Variants in UBE3A observed in about 807,000 individuals in gnomAD.
UBE3A encodes the protein ubiquitin protein ligase E3A, also known as ubiquitin-protein ligase E3A.
Under a neutral mutation model 83.4 loss-of-function variants are expected in UBE3A, and 6 were observed. That is an observed-to-expected ratio of 0.07 (90% confidence interval 0.04 to 0.14). UBE3A has a LOEUF of 0.14. Among genes scored for constraint, UBE3A ranks in the 10% least tolerant of loss-of-function variants. The pLI is 1.00. For synonymous variants in UBE3A, 337 were observed against 355.4 expected, an observed-to-expected ratio of 0.95 and a Z score of 0.58; for missense variants, 456 against 1,036.1, an observed-to-expected ratio of 0.44 and a Z score of 7.69.
At chr15:25,402,978 C>A (rs924094098) in intron 4 of UBE3A, among the ~76,000 whole-genome samples, 59 of 152,092 alleles carry the variant, frequency 3.9e-4, no homozygotes, top group African/African-American at 1.4e-3. Flanking sequence ...GTCTGGCATC[C>A]CAACCTTTCC....
chr15:25,390,953 AT>A (rs2084222144), intron 4 of UBE3A, among the ~76,000 whole-genome samples: 4 of 151,102 alleles, frequency 2.6e-5, no homozygotes. Flanking sequence ...AAAAAAAAAA[AT>A]CTAAAAAAAA....
intron 7 of UBE3A, among the ~76,000 whole-genome samples, chr15:25,359,918 C>G (rs1338879008): frequency 1.3e-5 from 2 of 152,136 alleles, no homozygotes; most frequent in African/African-American, 4.8e-5. Context: ...CCCAAGAAAT[C>G]TTATAGCAAA....
intron 1 of UBE3A, among the ~76,000 whole-genome samples, chr15:25,429,181 C>T (rs1187391117): frequency 2.6e-5 from 4 of 152,122 alleles, no homozygotes; most frequent in Admixed American, 1.3e-4. Flanking sequence ...TACATGTACA[C>T]ATGTATAGTA....
Position 25,397,203 on chromosome 15 carries a change from T to C in UBE3A, c.62+8258A>G, listed in dbSNP as rs1422738367. ...GCTATATTCCCATACCAATTATGGCTAGAAACTTAAAACAGCTCTATTGAG... is the reference window on the plus strand; with the variant it reads ...GCTATATTCCCATACCAATTATGGCCAGAAACTTAAAACAGCTCTATTGAG... On this transcript the variant is annotated intron_variant, in intron 4 of 12. Coordinates refer to ENST00000648336, the MANE Select transcript of UBE3A (RefSeq NM_130839.5). Among the ~76,000 whole-genome samples, 3 of 10,426 alleles carry C rather than the reference T, an allele frequency of 2.9e-4. No individual in the cohort carries two copies. In the Non-Finnish European group the frequency reaches 0.017, roughly 61 times the overall value. 6.8% of individuals were successfully genotyped at this position (10,426 alleles called of 152,430 possible).
At chr15:25,339,727 A>ATAAC (rs1337375093) in intron 12 of UBE3A, 1 of 334,130 alleles carries the variant, frequency 3.0e-6, no homozygotes, top group Non-Finnish European at 5.6e-6. Context: ...AAATGATTTG[A>ATAAC]TAACAGGATT....
intron 4 of UBE3A, among the ~76,000 whole-genome samples, chr15:25,396,211 T>C (rs922608263): frequency 5.9e-5 from 9 of 151,500 alleles, no homozygotes; most frequent in African/African-American, 2.2e-4. Context: ...AAAAAAAAAA[T>C]CTGAAGTTAC....
At chr15:25,434,561 G>C (rs966218736) in intron 1 of UBE3A, among the ~76,000 whole-genome samples, 2 of 152,114 alleles carry the variant, frequency 1.3e-5, no homozygotes, top group Admixed American at 1.3e-4. Flanking sequence ...TCCTTTATTA[G>C]AAGAAATAAC....
chr15:25,419,747 C>T (rs566050976), intron 1 of UBE3A, among the ~76,000 whole-genome samples: 175 of 151,718 alleles, frequency 1.2e-3, no homozygotes, highest in African/African-American at 4.2e-3. Context: ...GATCATAATA[C>T]CAAAAAGAAT....
intron 4 of UBE3A, among the ~76,000 whole-genome samples, chr15:25,399,155 T>C (rs117631488): frequency 0.011 from 1,612 of 152,194 alleles, 25 homozygotes; most frequent in Middle Eastern, 0.034. Flanking sequence ...CTGTGAGTTT[T>C]TTCATTCTGT....
rs940587857 is a variant in UBE3A, at chr15:25,370,224, C to T, written c.1608+342G>A. 2.0e-5 allele frequency among the ~76,000 whole-genome samples: 3 copies of T among 152,184 alleles called. No homozygotes were observed. Among genetic ancestry groups the T allele is most frequent in the African/African-American group, 7.2e-5 (3 of 41,448 alleles). On this transcript the variant is annotated intron_variant, in intron 6 of 12. Coordinates refer to ENST00000648336, the MANE Select transcript of UBE3A (RefSeq NM_130839.5). The surrounding 1 kb of genome is among the most constrained non-coding windows in gnomAD (Gnocchi z 4.2). ...CTCCCAGTTCAAGACTGCACATCCACACTTATTATTGGGTATCTCCACATT... is the reference window on the plus strand; with the variant it reads ...CTCCCAGTTCAAGACTGCACATCCATACTTATTATTGGGTATCTCCACATT...
At chr15:25,401,017 G>C (rs1056142822) in intron 4 of UBE3A, among the ~76,000 whole-genome samples, 4 of 152,072 alleles carry the variant, frequency 2.6e-5, no homozygotes, top group Non-Finnish European at 5.9e-5. Flanking sequence ...AGAGAATACT[G>C]AATTCTGTCA....
intron 4 of UBE3A, among the ~76,000 whole-genome samples, chr15:25,381,519 G>A (rs2082166561): frequency 1.3e-5 from 2 of 152,172 alleles, no homozygotes; most frequent in African/African-American, 4.8e-5. Context: ...AAAGGAAAAT[G>A]TGACTGTAAG....
chr15:25,433,975 T>C (rs1894255259), intron 1 of UBE3A, among the ~76,000 whole-genome samples: 1 of 152,136 alleles, frequency 6.6e-6, no homozygotes. Flanking sequence ...GAGGGTGAGA[T>C]GGGAGGATCA....
chr15:25,408,533 T>C, intron 3 of UBE3A: 1 of 1,527,312 alleles, frequency 6.5e-7, no homozygotes, highest in South Asian at 1.1e-5. Flanking sequence ...TTTTAGGTCT[T>C]GATTTGAATC....
chr15:25,401,963 T>C (rs1247644013), intron 4 of UBE3A, among the ~76,000 whole-genome samples: 2 of 152,246 alleles, frequency 1.3e-5, no homozygotes, highest in Non-Finnish European at 2.9e-5. Flanking sequence ...GAATTGTTTA[T>C]CTGCATTTTC....
chr15:25,340,011 G>T, intron 12 of UBE3A, 74 bp downstream of exon 12: 2 of 1,570,844 alleles, frequency 1.3e-6, no homozygotes, highest in South Asian at 2.2e-5. Flanking sequence ...AAACTATAAA[G>T]ACAGTTCATA....
chr15:25,412,456 A>C (rs913680097), intron 1 of UBE3A, among the ~76,000 whole-genome samples: 1 of 152,188 alleles, frequency 6.6e-6, no homozygotes, highest in Admixed American at 6.6e-5. Context: ...TGTAGCAGAG[A>C]AAATGCGTTA....
chr15:25,389,393 T>C (rs530490396), intron 4 of UBE3A, among the ~76,000 whole-genome samples: 4 of 152,072 alleles, frequency 2.6e-5, no homozygotes, highest in Non-Finnish European at 5.9e-5. Flanking sequence ...ATCTAGATCT[T>C]GGGTTTGGTG....
chr15:25,339,359 T>C, intron 12 of UBE3A, 102 bp from the exon 13 acceptor site: 9 of 1,432,094 alleles, frequency 6.3e-6, no homozygotes, highest in Middle Eastern at 2.0e-4. Flanking sequence ...GTTGAGACGG[T>C]CTGCAATGCA....
Sources: gnomAD v4.1 joint callset for allele counts (sites outside exome capture counted in the v4.1 genomes callset) on GRCh38, gnomAD v4.1.1 for gene constraint, Gnocchi (gnomAD v3.1) non-coding constraint, MANE v1.5 for transcripts, NCBI Gene and HGNC (gene_info 2026-07-23, HGNC 2026-07-21) for gene names.